Variants in SH3PXD2B observed in about 807,000 individuals in gnomAD.
The protein encoded by SH3PXD2B is SH3 and PX domain-containing protein 2B.
Under a neutral mutation model 73.1 loss-of-function variants are expected in SH3PXD2B, and 37 were observed. That is an observed-to-expected ratio of 0.51 (90% CI 0.39 to 0.67). The LOEUF (loss-of-function observed/expected upper bound fraction) is 0.67, where lower values mean the gene tolerates loss of function less well. Among genes scored for constraint, SH3PXD2B ranks in the 30% least tolerant of loss-of-function variants. The pLI is 0.00. For missense variants in SH3PXD2B, 1,053 were observed against 1,197.8 expected, an observed-to-expected ratio of 0.88 and a Z score of 1.78; for synonymous variants, 457 against 480.5, an observed-to-expected ratio of 0.95 and a Z score of 0.64.
At chr5:172,327,800 G>A (rs182074301) in intron 12 of SH3PXD2B, among the ~76,000 whole-genome samples, 1 of 149,692 alleles carries the variant, frequency 6.7e-6, no homozygotes, top group East Asian at 2.0e-4. Flanking sequence ...TGTCACCCAG[G>A]CTGGAGTGCA....
intron 7 of SH3PXD2B, among the ~76,000 whole-genome samples, chr5:172,360,818 T>C (rs2569228): frequency 0.74 from 112,393 of 152,056 alleles, 41,942 homozygotes; most frequent in South Asian, 0.86. Flanking sequence ...GGCAACAGAG[T>C]GAGTCTCCGT....
intron 4 of SH3PXD2B, among the ~76,000 whole-genome samples, chr5:172,385,326 G>A (rs1758036361): frequency 6.6e-6 from 1 of 152,120 alleles, no homozygotes; most frequent in Non-Finnish European, 1.5e-5. Flanking sequence ...TTAGCACTGG[G>A]AGGCTCCTGA....
At position 172,366,099 on chromosome 5, in the gene SH3PXD2B, T is replaced by A. The variant is rs901396454; in HGVS notation, c.428-3230A>T. ...GCCCAGGTTAATGCTCAAAGAGACA[T>A]GCCCACGTCTTCCAGGCAGGCAGTC... On this transcript the variant is annotated intron_variant, in intron 6 of 12. Coordinates refer to ENST00000311601, the MANE Select transcript of SH3PXD2B (RefSeq NM_001017995.3). Among the ~76,000 whole-genome samples the A allele has an allele frequency of 5.3e-5, 8 of 152,318 alleles. No homozygotes were observed. In the East Asian group the frequency reaches 1.2e-3, roughly 22 times the overall value.
At chr5:172,348,671 C>CTTATCT (rs1430327142) in intron 10 of SH3PXD2B, among the ~76,000 whole-genome samples, 17 of 55,622 alleles carry the variant, frequency 3.1e-4, no homozygotes, top group South Asian at 1.1e-3. Flanking sequence ...ATCTATCTAT[C>CTTATCT]TATCTATCTA....
chr5:172,410,832 CATAA>C (rs1758675945), intron 2 of SH3PXD2B, among the ~76,000 whole-genome samples: 2 of 152,212 alleles, frequency 1.3e-5, no homozygotes, highest in Admixed American at 6.5e-5. Flanking sequence ...AACTCTGTGA[CATAA>C]ATGTTACATT....
intron 1 of SH3PXD2B, among the ~76,000 whole-genome samples, chr5:172,437,677 T>C (rs567386921): frequency 1.3e-5 from 2 of 152,314 alleles, no homozygotes; most frequent in Admixed American, 6.5e-5. Context: ...CCAATATTTT[T>C]TTCCCCCAAT....
intron 2 of SH3PXD2B, among the ~76,000 whole-genome samples, chr5:172,415,066 T>C (rs1758789819): frequency 6.6e-6 from 1 of 152,220 alleles, no homozygotes; most frequent in Non-Finnish European, 1.5e-5. Context: ...TGAAAGAACA[T>C]GTGCCTATTC....
intron 1 of SH3PXD2B, among the ~76,000 whole-genome samples, chr5:172,436,392 C>T (rs1238652599): frequency 6.6e-6 from 1 of 152,334 alleles, no homozygotes; most frequent in East Asian, 1.9e-4. Context: ...CTATACAGGG[C>T]CCGGGCTCCT....
intron 5 of SH3PXD2B, among the ~76,000 whole-genome samples, chr5:172,374,101 A>C (rs762767167): frequency 3.6e-4 from 55 of 152,178 alleles, no homozygotes; most frequent in Admixed American, 1.6e-3. Context: ...TGCAGTTTGA[A>C]AATAGGAGTT....
Position 172,337,346 on chromosome 5 carries a change from G to C in SH3PXD2B, c.*1023C>G, listed in dbSNP as rs1408539948. ...GGGGAGGGCACAGGCACTGAAGTCA[G>C]GCAGGCCTGGACTCAAATCCTCTTC... On this transcript the variant is annotated 3_prime_UTR_variant, in exon 13 of 13. Coordinates refer to ENST00000311601, the MANE Select transcript of SH3PXD2B (RefSeq NM_001017995.3). The C allele has an allele frequency of 9.1e-6, 9 of 985,270 alleles. No homozygotes were observed. The Admixed American group carries it at 4.9e-4, about 54-fold the overall frequency. 61.0% of individuals were successfully genotyped at this position (985,270 alleles called of 1,614,324 possible).
At chr5:172,393,835 G>A (rs1007139237) in intron 4 of SH3PXD2B, among the ~76,000 whole-genome samples, 2 of 152,172 alleles carry the variant, frequency 1.3e-5, no homozygotes, top group Non-Finnish European at 2.9e-5. Flanking sequence ...TGTTTAGGAC[G>A]TTCAAGGGAC....
At chr5:172,385,896 C>T (rs530605628) in intron 4 of SH3PXD2B, among the ~76,000 whole-genome samples, 8 of 152,184 alleles carry the variant, frequency 5.3e-5, no homozygotes, top group Non-Finnish European at 1.0e-4. Flanking sequence ...AAAAATGACC[C>T]GGGGCTGGAG....
intron 9 of SH3PXD2B, among the ~76,000 whole-genome samples, chr5:172,352,205 C>T (rs1372478184): frequency 1.5e-4 from 23 of 152,094 alleles, no homozygotes; most frequent in Non-Finnish European, 3.4e-4. Flanking sequence ...TGTTTGTTAT[C>T]CTTTTTTAAA....
chr5:172,454,052 C>A (rs1360760484), intron 1 of SH3PXD2B, among the ~76,000 whole-genome samples: 2 of 76,754 alleles, frequency 2.6e-5, no homozygotes, highest in East Asian at 1.0e-3. Flanking sequence ...GGGGGCGAGG[C>A]GGGAGGAAGG....
At position 172,337,311 on chromosome 5, in the gene SH3PXD2B, C is replaced by T. The variant is rs992538849; in HGVS notation, c.*1058G>A. 9 of 985,600 alleles carry T rather than the reference C, an allele frequency of 9.1e-6. No individual in the cohort carries two copies. The highest frequency in any genetic ancestry group is 5.2e-4 in the Middle Eastern group (1 of 1,914). The allele number at this position is 985,600 out of a possible 1,614,324, so 61.1% of individuals were successfully genotyped here. A position where few individuals can be genotyped will look rare whatever the true frequency, so the allele number is the denominator to read the frequency against. On this transcript the variant is annotated 3_prime_UTR_variant, in exon 13 of 13. Transcript: ENST00000311601. ...TCTATCTCTTCCCTGCCTGGTTTGT[C>T]TTTTACAGAGGGGAGGGCACAGGCA...
intron 2 of SH3PXD2B, among the ~76,000 whole-genome samples, chr5:172,408,409 T>C (rs959665197): frequency 6.6e-6 from 1 of 152,112 alleles, no homozygotes; most frequent in African/African-American, 2.4e-5. Flanking sequence ...GCTGGGACTA[T>C]AGGCGTGTGC....
intron 6 of SH3PXD2B, 41 bp from the exon 7 acceptor site, chr5:172,362,910 T>C: frequency 6.2e-7 from 1 of 1,613,286 alleles, no homozygotes; most frequent in Non-Finnish European, 8.5e-7. Context: ...CCACCACTCA[T>C]GCATGAAAGA....
intron 4 of SH3PXD2B, among the ~76,000 whole-genome samples, chr5:172,392,340 GC>G (rs1288940975): frequency 1.3e-5 from 2 of 152,166 alleles, no homozygotes; most frequent in African/African-American, 4.8e-5. Flanking sequence ...AGGTCAGAAG[GC>G]CCTGCTGCCT....
intron 2 of SH3PXD2B, among the ~76,000 whole-genome samples, chr5:172,407,991 G>C (rs1217748677): frequency 1.3e-5 from 2 of 152,166 alleles, no homozygotes. Context: ...CAATTAAAAA[G>C]GCCAGGGCTG....
Sources: gnomAD v4.1 joint callset for allele counts (sites outside exome capture counted in the v4.1 genomes callset) on GRCh38, gnomAD v4.1.1 for gene constraint, MANE v1.5 for transcripts, NCBI Gene and HGNC (gene_info 2026-07-23, HGNC 2026-07-21) for gene names.